IGF1R: variants seen among roughly 807,000 people sequenced by gnomAD.
IGF1R encodes insulin-like growth factor 1 receptor.
A neutral mutation model predicts 144.6 loss-of-function variants in IGF1R; 44 were observed. That is an observed-to-expected ratio of 0.30 (90% CI 0.24 to 0.39). The LOEUF (loss-of-function observed/expected upper bound fraction) is 0.39. Ranked by LOEUF, IGF1R falls within the 10% of genes least tolerant of loss-of-function variation. The pLI is 1.00. For missense variants in IGF1R, 1,355 were observed against 1,833.7 expected, an observed-to-expected ratio of 0.74 and a Z score of 4.77; for synonymous variants, 795 against 722.8, an observed-to-expected ratio of 1.10 and a Z score of -1.60.
intron 2 of IGF1R, among the ~76,000 whole-genome samples, chr15:98,719,972 G>T (rs1218748767): frequency 6.6e-6 from 1 of 152,214 alleles, no homozygotes; most frequent in Non-Finnish European, 1.5e-5. Flanking sequence ...TTGGGATGAT[G>T]CTCTGACCCC....
chr15:98,690,713 C>A (rs1037617788), intron 1 of IGF1R, among the ~76,000 whole-genome samples: 13 of 152,214 alleles, frequency 8.5e-5, no homozygotes, highest in African/African-American at 3.1e-4. Context: ...CCTCTTCCTG[C>A]TACTCTCCCC....
At position 98,653,097 on chromosome 15, in the gene IGF1R, A is replaced by G. The variant is rs143057781; in HGVS notation, c.94+3422A>G. Among the ~76,000 whole-genome samples the G allele has an allele frequency of 2.0e-3, 304 of 152,300 alleles. 3 individuals carry two copies. The East Asian group carries it at 0.025, about 12-fold the overall frequency. On this transcript the variant is annotated intron_variant, in intron 1 of 20. Transcript: ENST00000650285. ...AGTTGCAGCAATACAACAAACTGAT[A>G]ATTGAAGCTTAGCAACAGGGATTCA...
rs908030439 is a variant in IGF1R, at chr15:98,958,474, T to C, written c.*1032T>C. On this transcript the variant is annotated 3_prime_UTR_variant, in exon 21 of 21. Coordinates refer to ENST00000650285, the MANE Select transcript of IGF1R (RefSeq NM_000875.5). ...TCCAGGGACTCAGCCCCACTGTTGA[T>C]GCAGGTTTGCAAGGAAAGAAATTCA... 4 of 229,766 alleles carry C rather than the reference T, an allele frequency of 1.7e-5. No homozygotes were observed. The highest frequency in any genetic ancestry group is 5.7e-5 in the Admixed American group (1 of 17,624). The allele number at this position is 229,766 out of a possible 1,614,324, so 14.2% of individuals were successfully genotyped here.
rs1266370768 is a variant in IGF1R, at chr15:98,916,118, T to C, written c.1983T>C (p.Asn661=). The C allele has an allele frequency of 1.2e-6, 2 of 1,614,066 alleles. No individual in the cohort carries two copies. The highest frequency in any genetic ancestry group is 2.7e-5 in the African/African-American group (2 of 74,934). ...QPQDGYLYRH[N]YCSKDKIPIR... is the part of the protein sequence containing the mutation. ...AGGACGGCTACCTTTACCGGCACAA[T>C]TACTGCTCCAAAGGTAAGGGTGCAG... The change falls in exon 9 of 21, where the codon AAT becomes AAC. Residue 661 remains asparagine (N), a synonymous_variant. Transcript: ENST00000650285.
chr15:98,727,008 G>A (rs539917438), intron 2 of IGF1R, among the ~76,000 whole-genome samples: 174 of 152,168 alleles, frequency 1.1e-3, no homozygotes, highest in Non-Finnish European at 2.0e-3. Flanking sequence ...GGTGTGAGCC[G>A]CCACACCTGG....
intron 5 of IGF1R, among the ~76,000 whole-genome samples, chr15:98,905,071 T>C (rs1015347112): frequency 6.6e-6 from 1 of 152,178 alleles, no homozygotes; most frequent in African/African-American, 2.4e-5. Context: ...CCCAGAGGGG[T>C]TCCTCAGTAA....
At chr15:98,694,995 T>C (rs1431141985) in intron 1 of IGF1R, among the ~76,000 whole-genome samples, 1 of 152,234 alleles carries the variant, frequency 6.6e-6, no homozygotes, top group African/African-American at 2.4e-5. Context: ...GAGATCCATT[T>C]CTGTCCTCTA....
chr15:98,805,359 G>A (rs886903309), intron 2 of IGF1R, among the ~76,000 whole-genome samples: 1 of 151,900 alleles, frequency 6.6e-6, no homozygotes, highest in African/African-American at 2.4e-5. Flanking sequence ...ATTTTTCACA[G>A]AGCTACTGTT....
intron 1 of IGF1R, among the ~76,000 whole-genome samples, chr15:98,662,746 G>A (rs1051807611): frequency 3.9e-5 from 6 of 152,114 alleles, no homozygotes; most frequent in Non-Finnish European, 7.4e-5. Flanking sequence ...TAAGGAGGAT[G>A]TCTGACTTTA....
intron 19 of IGF1R, among the ~76,000 whole-genome samples, chr15:98,944,632 C>T (rs1233966259): frequency 2.0e-5 from 3 of 152,212 alleles, no homozygotes; most frequent in Non-Finnish European, 4.4e-5. Flanking sequence ...AGTTAAAAAT[C>T]TAGAAAGAAA....
At chr15:98,924,278 A>G (rs1324272446) in intron 12 of IGF1R, among the ~76,000 whole-genome samples, 1 of 152,256 alleles carries the variant, frequency 6.6e-6, no homozygotes, top group Admixed American at 6.5e-5. Context: ...GTCAGTTCTA[A>G]TAACTTTTAA....
chr15:98,716,658 A>G (rs1002505963), intron 2 of IGF1R, among the ~76,000 whole-genome samples: 3 of 152,168 alleles, frequency 2.0e-5, no homozygotes, highest in Non-Finnish European at 4.4e-5. Flanking sequence ...TTTGAACTGC[A>G]TTGCGGGAGT....
rs1215509740 is a variant in IGF1R at position 98,963,696 on chromosome 15, C to A, written c.*6254C>A. The stretch of plus-strand genomic sequence containing the variant: ...ATGGGGCACACAGGCCATTTGCTTA[C>A]ATGCCTCGTATCATGACTGATTACT... On this transcript the variant is annotated 3_prime_UTR_variant, in exon 21 of 21. Coordinates refer to ENST00000650285, the MANE Select transcript of IGF1R (RefSeq NM_000875.5). 2 of 233,180 alleles carry A rather than the reference C, an allele frequency of 8.6e-6. No homozygotes were observed. The highest frequency in any genetic ancestry group is 1.7e-5 in the Non-Finnish European group (2 of 118,046). 14.4% of individuals were successfully genotyped at this position (233,180 alleles called of 1,614,324 possible). A position where few individuals can be genotyped will look rare whatever the true frequency, so the allele number is the denominator to read the frequency against.
intron 2 of IGF1R, among the ~76,000 whole-genome samples, chr15:98,874,126 G>A (rs2012930393): frequency 6.6e-6 from 1 of 152,184 alleles, no homozygotes; most frequent in South Asian, 2.1e-4. Context: ...GAGGATGGAA[G>A]TAACAGGTCC....
At chr15:98,669,195 T>C (rs554000151) in intron 1 of IGF1R, among the ~76,000 whole-genome samples, 1 of 152,306 alleles carries the variant, frequency 6.6e-6, no homozygotes, top group African/African-American at 2.4e-5. Flanking sequence ...CGTGTGCGGA[T>C]TGGGCTTCCT....
intron 7 of IGF1R, among the ~76,000 whole-genome samples, chr15:98,911,868 A>C (rs1416105023): frequency 6.6e-6 from 1 of 152,042 alleles, no homozygotes; most frequent in Non-Finnish European, 1.5e-5. Context: ...GTATCATCTT[A>C]TTCCTGTCTC....
intron 2 of IGF1R, among the ~76,000 whole-genome samples, chr15:98,711,984 A>ATT (rs1171127888): frequency 6.6e-6 from 1 of 152,082 alleles, no homozygotes; most frequent in Non-Finnish European, 1.5e-5. Flanking sequence ...CGTCTTTTTT[A>ATT]TAAGGGCACT....
intron 2 of IGF1R, among the ~76,000 whole-genome samples, chr15:98,760,959 A>G (rs1158884410): frequency 1.3e-5 from 2 of 152,274 alleles, no homozygotes. Context: ...AGTGACATAT[A>G]TACTGAACAG....
intron 2 of IGF1R, among the ~76,000 whole-genome samples, chr15:98,726,477 A>T (rs2054362561): frequency 6.6e-6 from 1 of 152,174 alleles, no homozygotes; most frequent in Non-Finnish European, 1.5e-5. Flanking sequence ...AGTTCTTAGT[A>T]AACATGATGT....
Sources: gnomAD v4.1 joint callset for allele counts (sites outside exome capture counted in the v4.1 genomes callset) on GRCh38, gnomAD v4.1.1 for gene constraint, MANE v1.5 for transcripts, NCBI Gene and HGNC (gene_info 2026-07-23, HGNC 2026-07-21) for gene names.